CACNA1C: variants seen among roughly 807,000 people sequenced by gnomAD.
CACNA1C encodes the protein voltage-dependent L-type calcium channel subunit alpha-1C.
In CACNA1C, 30 loss-of-function variants were observed where a neutral mutation model predicts 229.0. The observed-to-expected ratio is 0.13, with a 90% CI of 0.10 to 0.18. The LOEUF is 0.18. CACNA1C is among the 10% of genes least tolerant of loss of function. The probability of loss-of-function intolerance (pLI) is 1.00; values close to 1 mark genes in which losing one functional copy is unlikely to be tolerated. For synonymous variants in CACNA1C, 1,114 were observed against 1,132.5 expected (o/e 0.98, Z 0.33); for missense variants, 1,658 against 2,845.0 (o/e 0.58, Z 9.49).
chr12:2,297,656 C>T (rs543945413), intron 3 of CACNA1C, among the ~76,000 whole-genome samples: 3 of 152,334 alleles, frequency 2.0e-5, no homozygotes, highest in Non-Finnish European at 4.4e-5. Flanking sequence ...GAAAGCATTC[C>T]ATTGCGTCTT....
At chr12:2,499,986 G>A (rs1414885050) in intron 7 of CACNA1C, among the ~76,000 whole-genome samples, 2 of 152,186 alleles carry the variant, frequency 1.3e-5, no homozygotes, top group Non-Finnish European at 2.9e-5. Context: ...AAAGTAAGAG[G>A]GAAGTGAAAG....
chr12:2,115,041 G>A (rs752608982), intron 1 of CACNA1C, among the ~76,000 whole-genome samples, 183 bp from the exon 2 acceptor site: 3 of 152,172 alleles, frequency 2.0e-5, no homozygotes, highest in African/African-American at 4.8e-5. Flanking sequence ...AACCAGGACC[G>A]CAACGATCCT....
intron 9 of CACNA1C, chr12:2,547,497 T>TGGTTTAGTCACTCCACAGAAACCCA: frequency 2.6e-6 from 2 of 779,758 alleles, no homozygotes; most frequent in Non-Finnish European, 4.8e-6. Context: ...GAAGTTTGCT[T>TGGTTTAGTCACTCCACAGAAACCCA]GGTTTAGTCA....
At chr12:2,138,757 G>A (rs1325865451) in intron 3 of CACNA1C, among the ~76,000 whole-genome samples, 3 of 151,158 alleles carry the variant, frequency 2.0e-5, no homozygotes, top group African/African-American at 7.3e-5. Context: ...CTAGAGCCAT[G>A]CCTCTTGTGC....
chr12:2,657,118 G>A (rs745500621), intron 34 of CACNA1C, among the ~76,000 whole-genome samples: 4 of 152,130 alleles, frequency 2.6e-5, no homozygotes, highest in Non-Finnish European at 4.4e-5. Context: ...TACTCAGGCT[G>A]TACTTCCACA....
rs1051901798 is a variant in CACNA1C, at chr12:2,582,222, A to G, written c.2103+425A>G. Among the ~76,000 whole-genome samples the G allele has an allele frequency of 1.3e-5, 2 of 152,076 alleles. 1 individual carries two copies. Among genetic ancestry groups the G allele is most frequent in the Middle Eastern group, 6.8e-3 (2 of 294 alleles). On this transcript the variant is annotated intron_variant, in intron 14 of 46. Coordinates refer to ENST00000399655, the MANE Select transcript of CACNA1C (RefSeq NM_000719.7). Reference sequence around the variant, plus strand: ...AAGCCCAAAACATAAAGAAAAGCAGACTGCTCTTACTGGGGGAGGGGAGGG... The same window carrying G: ...AAGCCCAAAACATAAAGAAAAGCAGGCTGCTCTTACTGGGGGAGGGGAGGG...
At chr12:2,329,527 T>G (rs563663574) in intron 3 of CACNA1C, among the ~76,000 whole-genome samples, 1 of 152,310 alleles carries the variant, frequency 6.6e-6, no homozygotes, top group South Asian at 2.1e-4. Flanking sequence ...GTCAAGCAAG[T>G]GCATCCTATT....
At chr12:2,082,201 C>T (rs548639242) in intron 1 of CACNA1C, among the ~76,000 whole-genome samples, 2 of 152,338 alleles carry the variant, frequency 1.3e-5, no homozygotes, top group African/African-American at 2.4e-5. Context: ...GGTTCTAACT[C>T]AGGCCTGTCT....
chr12:2,590,505 A>G (rs2064771367), intron 18 of CACNA1C, among the ~76,000 whole-genome samples: 1 of 152,220 alleles, frequency 6.6e-6, no homozygotes, highest in Non-Finnish European at 1.5e-5. Context: ...CTCCTCATCC[A>G]TAATACCTGC....
intron 18 of CACNA1C, among the ~76,000 whole-genome samples, chr12:2,591,580 G>T (rs1010642819): frequency 2.0e-5 from 3 of 152,178 alleles, no homozygotes; most frequent in African/African-American, 7.2e-5. Context: ...GAAGGAGGAT[G>T]CTATCTGGAT....
At chr12:2,226,125 G>A (rs1412799501) in intron 3 of CACNA1C, among the ~76,000 whole-genome samples, 6 of 142,770 alleles carry the variant, frequency 4.2e-5, no homozygotes, top group South Asian at 4.7e-4. Context: ...ATGGGGACGC[G>A]CACACACACA....
chr12:2,063,700 C>T lies in CACNA1C; in HGVS notation c.49+10089C>T, dbSNP rs77122857. On this transcript the variant is annotated intron_variant, in intron 1 of 46. Transcript: ENST00000399655. The stretch of plus-strand genomic sequence containing the variant: ...GCATAATGTCTTCAAGGTTCATCCA[C>T]GTTGTACCATGTGTCAGGACTTCGT... Among the ~76,000 whole-genome samples, 293 of 152,262 alleles carry T rather than the reference C, an allele frequency of 1.9e-3. 1 individual carries two copies. Among genetic ancestry groups the T allele is most frequent in the African/African-American group, 6.2e-3 (256 of 41,540 alleles).
intron 3 of CACNA1C, among the ~76,000 whole-genome samples, chr12:2,123,492 A>G (rs111454651): frequency 0.034 from 5,106 of 151,944 alleles, 268 homozygotes; most frequent in African/African-American, 0.11. Flanking sequence ...GGTTCTAGGG[A>G]AGAGTAGGGC....
chr12:2,538,851 C>T (rs754158949), intron 9 of CACNA1C, among the ~76,000 whole-genome samples: 2 of 152,180 alleles, frequency 1.3e-5, no homozygotes, highest in Admixed American at 1.3e-4. Flanking sequence ...TGAAACATGC[C>T]GTGCCACAGT....
intron 3 of CACNA1C, among the ~76,000 whole-genome samples, chr12:2,347,320 C>T (rs149117513): frequency 0.011 from 1,724 of 152,356 alleles, 24 homozygotes; most frequent in Middle Eastern, 0.041. Flanking sequence ...CCCGATCATA[C>T]GGTTTACATT....
chr12:2,367,225 C>T (rs973658672), intron 3 of CACNA1C, among the ~76,000 whole-genome samples: 1 of 152,162 alleles, frequency 6.6e-6, no homozygotes, highest in Non-Finnish European at 1.5e-5. Context: ...CTCACATGCG[C>T]AGTTCACAAT....
rs1292410392 is a variant in CACNA1C at position 2,319,747 on chromosome 12, G to A, written c.478-129229G>A. Among the ~76,000 whole-genome samples the A allele has an allele frequency of 6.6e-6, 1 of 152,136 alleles. No homozygotes were observed. Among genetic ancestry groups the A allele is most frequent in the Non-Finnish European group, 1.5e-5 (1 of 68,018 alleles). On this transcript the variant is annotated intron_variant, in intron 3 of 46. Coordinates refer to ENST00000399655, the MANE Select transcript of CACNA1C (RefSeq NM_000719.7). The surrounding 1 kb of genome is among the most constrained non-coding windows in gnomAD (Gnocchi z 4.0). ...CACGGGGGTGTGCTGGGCCGGGAGA[G>A]GATGAGCATTCCTCAAGAAGGGAGA... is the stretch of plus-strand genomic sequence containing the variant.
chr12:2,299,321 A>C (rs1371929425), intron 3 of CACNA1C, among the ~76,000 whole-genome samples: 3 of 152,066 alleles, frequency 2.0e-5, no homozygotes, highest in Non-Finnish European at 4.4e-5. Context: ...GTTCTCGTGC[A>C]GCCAAGGTTG....
intron 3 of CACNA1C, among the ~76,000 whole-genome samples, chr12:2,388,857 T>G (rs993267193): frequency 6.6e-6 from 1 of 152,138 alleles, no homozygotes; most frequent in African/African-American, 2.4e-5. Context: ...GTTTGTGGAG[T>G]TGGCAGTGTC....
Sources: gnomAD v4.1 joint callset for allele counts (sites outside exome capture counted in the v4.1 genomes callset) on GRCh38, gnomAD v4.1.1 for gene constraint, Gnocchi (gnomAD v3.1) non-coding constraint, MANE v1.5 for transcripts, NCBI Gene and HGNC (gene_info 2026-07-23, HGNC 2026-07-21) for gene names.